The following UNC79 variants were observed in gnomAD, a reference collection of about 807,000 sequenced individuals.
UNC79 encodes the protein protein unc-79 homolog.
UNC79 carries 37 observed loss-of-function variants against 283.1 expected under a neutral mutation model. The observed-to-expected ratio is 0.13, with a 90% CI of 0.10 to 0.17. The LOEUF is 0.17. Ranked by LOEUF, UNC79 falls within the 10% of genes least tolerant of loss-of-function variation. The pLI is 1.00. For synonymous variants in UNC79, 1,107 were observed against 1,200.2 expected, an observed-to-expected ratio of 0.92 and a Z score of 1.61; for missense variants, 2,272 against 3,211.1, an observed-to-expected ratio of 0.71 and a Z score of 7.07.
chr14:93,657,300 C>T (rs2081288045), intron 38 of UNC79, among the ~76,000 whole-genome samples: 1 of 152,032 alleles, frequency 6.6e-6, no homozygotes, highest in Non-Finnish European at 1.5e-5. Context: ...CAGGGCTTCA[C>T]TGCTAAAGAG....
At chr14:93,677,654 TC>T (rs2140739287) in intron 41 of UNC79, among the ~76,000 whole-genome samples, 1 of 152,164 alleles carries the variant, frequency 6.6e-6, no homozygotes, top group East Asian at 1.9e-4. Context: ...TGTGAGTAGT[TC>T]CTCTTTTTTT....
intron 14 of UNC79, 149 bp downstream of exon 14, chr14:93,542,845 A>G (rs976953978): frequency 8.3e-6 from 6 of 720,086 alleles, no homozygotes; most frequent in Admixed American, 8.3e-5. Flanking sequence ...TAGTAACTGT[A>G]TCTTGGATGA....
At chr14:93,342,317 A>G (rs1200615855) in intron 1 of UNC79, among the ~76,000 whole-genome samples, 3 of 152,224 alleles carry the variant, frequency 2.0e-5, no homozygotes, top group Non-Finnish European at 4.4e-5. Flanking sequence ...TTCCCTCTGA[A>G]GCAATGACTC....
chr14:93,661,790 T>C (rs759263558), intron 39 of UNC79, among the ~76,000 whole-genome samples: 5 of 152,172 alleles, frequency 3.3e-5, no homozygotes, highest in Non-Finnish European at 7.3e-5. Flanking sequence ...GAAGCCATTA[T>C]TATCCCCCTT....
chr14:93,524,271 A>T (rs1257095932), intron 8 of UNC79, among the ~76,000 whole-genome samples: 3 of 152,216 alleles, frequency 2.0e-5, no homozygotes, highest in African/African-American at 7.2e-5. Flanking sequence ...GCTATGTAGC[A>T]CTGAGCTAAT....
chr14:93,626,617 T>G (rs1051955840), intron 30 of UNC79, among the ~76,000 whole-genome samples: 1 of 152,212 alleles, frequency 6.6e-6, no homozygotes, highest in Non-Finnish European at 1.5e-5. Context: ...TAGAGTTGTC[T>G]CTCCCAAATT....
At chr14:93,534,276 C>T (rs1238606510) in intron 11 of UNC79, among the ~76,000 whole-genome samples, 2 of 152,212 alleles carry the variant, frequency 1.3e-5, no homozygotes, top group African/African-American at 4.8e-5. Flanking sequence ...CTCTCTGAGA[C>T]ATCTTTTCTT....
chr14:93,447,567 CTG>C (rs958798847), intron 1 of UNC79, among the ~76,000 whole-genome samples: 2 of 151,694 alleles, frequency 1.3e-5, no homozygotes, highest in Non-Finnish European at 2.9e-5. Context: ...TTTACCATTT[CTG>C]GTGCTCTTTG....
intron 18 of UNC79, 114 bp from the exon 19 acceptor site, chr14:93,580,035 G>GA (rs1455760031): frequency 9.9e-6 from 9 of 906,764 alleles, no homozygotes; most frequent in Non-Finnish European, 1.5e-5. Context: ...GTCAGTTAGT[G>GA]AAAATCATCC....
At chr14:93,416,201 A>G (rs2055452543) in intron 1 of UNC79, among the ~76,000 whole-genome samples, 1 of 144,570 alleles carries the variant, frequency 6.9e-6, no homozygotes, top group Non-Finnish European at 1.5e-5. Flanking sequence ...AATGTGTCCC[A>G]GAGATTCTGG....
In UNC79 at chr14:93,543,604, C is replaced by T. The variant is rs1160859244; in HGVS notation, c.1755+908C>T. 2.6e-5 allele frequency among the ~76,000 whole-genome samples: 4 copies of T among 151,994 alleles called. No individual in the cohort carries two copies. The South Asian group carries it at 8.3e-4, about 32-fold the overall frequency. The stretch of plus-strand genomic sequence containing the variant: ...CTGGTCTCAGACTCTTGGCCTCCAG[C>T]GATCTTTCTGCCTCAGCCTCCCAAA... On this transcript the variant is annotated intron_variant, in intron 14 of 48. Coordinates refer to ENST00000555664, the Ensembl canonical transcript of UNC79.
Position 93,337,293 on chromosome 14 carries a change from T to G in UNC79, c.-351+3770T>G, listed in dbSNP as rs185427361. On this transcript the variant is annotated intron_variant, in intron 1 of 49. Transcript: ENST00000256339. ...GGTCTTGGCTCCTCTGAGAGCTGTT[T>G]GGTTGCCCAAAAAAGCTCTTCTTAA... Among the ~76,000 whole-genome samples the G allele has an allele frequency of 2.4e-3, 360 of 152,358 alleles. 14 individuals carry two copies. The highest frequency in any genetic ancestry group is 0.023 in the Admixed American group (356 of 15,300).
At chr14:93,439,293 A>G (rs1435363109) in intron 1 of UNC79, among the ~76,000 whole-genome samples, 1 of 139,256 alleles carries the variant, frequency 7.2e-6, no homozygotes, top group Non-Finnish European at 1.6e-5. Flanking sequence ...ATTTTACTTT[A>G]GTAGGAAAAT....
At chr14:93,405,987 T>C (rs961135993) in intron 1 of UNC79, among the ~76,000 whole-genome samples, 1 of 152,170 alleles carries the variant, frequency 6.6e-6, no homozygotes, top group Non-Finnish European at 1.5e-5. Flanking sequence ...TCTTTAATGC[T>C]GAGCTGGGAC....
chr14:93,671,574 A>G (rs1316234945), intron 40 of UNC79, among the ~76,000 whole-genome samples: 10 of 152,172 alleles, frequency 6.6e-5, no homozygotes. Context: ...GGAGTACAAG[A>G]CCAGCCTGAC....
chr14:93,608,893 A>G (rs948323083), intron 26 of UNC79, among the ~76,000 whole-genome samples: 3 of 152,226 alleles, frequency 2.0e-5, no homozygotes, highest in Non-Finnish European at 1.5e-5. Context: ...TATGTCAGAC[A>G]TTGGCCCCTA....
chr14:93,676,533 C>T (rs750859266), intron 41 of UNC79, among the ~76,000 whole-genome samples: 7 of 152,298 alleles, frequency 4.6e-5, no homozygotes, highest in Non-Finnish European at 1.0e-4. Context: ...TGAAAACCAC[C>T]TAGACTTCAG....
chr14:93,395,794 A>T (rs1330742420), intron 1 of UNC79, among the ~76,000 whole-genome samples: 1 of 152,142 alleles, frequency 6.6e-6, no homozygotes, highest in Non-Finnish European at 1.5e-5. Flanking sequence ...TATCATATAT[A>T]CATGGTGGTT....
intron 22 of UNC79, among the ~76,000 whole-genome samples, chr14:93,591,020 G>T (rs890145371): frequency 6.6e-6 from 1 of 152,176 alleles, no homozygotes; most frequent in African/African-American, 2.4e-5. Flanking sequence ...AGCCCACACT[G>T]GGAGGACACA....
Sources: allele counts gnomAD v4.1 joint callset (sites outside exome capture counted in the v4.1 genomes callset), GRCh38; gene constraint gnomAD v4.1.1; transcripts MANE v1.5; gene names NCBI Gene and HGNC (gene_info 2026-07-23, HGNC 2026-07-21).